The following REV3L variants were observed in gnomAD, a reference collection of about 807,000 sequenced individuals.
REV3L encodes REV3 like, DNA directed polymerase zeta catalytic subunit, also known as DNA polymerase zeta catalytic subunit.
A neutral mutation model predicts 299.4 loss-of-function variants in REV3L; 69 were observed. That is an observed-to-expected ratio of 0.23 (90% CI 0.19 to 0.28). REV3L has a LOEUF of 0.28. Among genes scored for constraint, REV3L ranks in the 10% least tolerant of loss-of-function variants. The pLI, the probability that REV3L is intolerant of heterozygous loss-of-function variation, is 1.00. For synonymous variants in REV3L, 1,238 were observed against 1,271.4 expected, an observed-to-expected ratio of 0.97 and a Z score of 0.56; for missense variants, 3,128 against 3,693.8, an observed-to-expected ratio of 0.85 and a Z score of 3.97.
At chr6:111,429,946 C>A (rs1786685802) in intron 1 of REV3L, among the ~76,000 whole-genome samples, 1 of 152,230 alleles carries the variant, frequency 6.6e-6, no homozygotes, top group East Asian at 1.9e-4. Context: ...CCGTGGGCAG[C>A]TCGGGGCACA....
At chr6:111,362,492 T>C (rs567464401) in intron 16 of REV3L, among the ~76,000 whole-genome samples, 1 of 152,270 alleles carries the variant, frequency 6.6e-6, no homozygotes, top group African/African-American at 2.4e-5. Context: ...AAAACTAGCA[T>C]TGTCCAATAG....
chr6:111,387,497 A>C (rs955126173), intron 9 of REV3L, among the ~76,000 whole-genome samples: 1 of 152,214 alleles, frequency 6.6e-6, no homozygotes, highest in African/African-American at 2.4e-5. Flanking sequence ...CATTTACGTA[A>C]AATTTAAAAC....
intron 4 of REV3L, among the ~76,000 whole-genome samples, chr6:111,398,092 T>C (rs1028236978): frequency 1.3e-5 from 2 of 150,108 alleles, no homozygotes; most frequent in Non-Finnish European, 3.0e-5. Flanking sequence ...GAATCAAATC[T>C]AATAACATTT....
At chr6:111,330,635 C>T (rs1228358309) in intron 24 of REV3L, among the ~76,000 whole-genome samples, 2 of 151,974 alleles carry the variant, frequency 1.3e-5, no homozygotes, top group Non-Finnish European at 2.9e-5. Context: ...GCTAGATATG[C>T]GACAATGGAA....
At chr6:111,341,323 C>T (rs520544) in intron 21 of REV3L, among the ~76,000 whole-genome samples, 4,579 of 152,312 alleles carry the variant, frequency 0.03, 79 homozygotes, top group South Asian at 0.078. Context: ...ACTGAAATTA[C>T]AGGCGTGAGC....
chr6:111,331,215 A>T (rs1255113628), intron 24 of REV3L, among the ~76,000 whole-genome samples: 1 of 152,188 alleles, frequency 6.6e-6, no homozygotes, highest in Non-Finnish European at 1.5e-5. Context: ...TTTAGTTTGG[A>T]TATCTTCTGA....
intron 20 of REV3L, among the ~76,000 whole-genome samples, chr6:111,348,131 C>T (rs536451628): frequency 1.3e-5 from 2 of 152,066 alleles, no homozygotes; most frequent in Non-Finnish European, 2.9e-5. Context: ...ATTTTTAATA[C>T]AGACAAGGTC....
At chr6:111,335,991 A>G (rs912072946) in intron 21 of REV3L, among the ~76,000 whole-genome samples, 1 of 151,690 alleles carries the variant, frequency 6.6e-6, no homozygotes, top group Middle Eastern at 3.2e-3. Context: ...ATATCTATAG[A>G]TTTTTAAAGA....
At position 111,332,245 on chromosome 6, in the gene REV3L, G is replaced by C. The variant is rs993448903; in HGVS notation, c.7926-461C>G. On this transcript the variant is annotated intron_variant, in intron 23 of 31. Coordinates refer to ENST00000368802, the MANE Select transcript of REV3L (RefSeq NM_001372078.1). ...TGCCACCATACCCGGCTAATTTTTTGCATTTTTAGTAGAGACAGGGTTTCC... is the reference window on the plus strand; with the variant it reads ...TGCCACCATACCCGGCTAATTTTTTCCATTTTTAGTAGAGACAGGGTTTCC... 5.3e-5 allele frequency among the ~76,000 whole-genome samples: 8 copies of C among 152,014 alleles called. No individual in the cohort carries two copies. In the East Asian group the frequency reaches 1.5e-3, roughly 29 times the overall value.
At position 111,376,726 on chromosome 6, in the gene REV3L, G is replaced by A. The variant is rs771919970; in HGVS notation, c.1629C>T (p.Thr543=). 2.5e-6 allele frequency: 4 copies of A among 1,593,548 alleles called. No individual in the cohort carries two copies. The South Asian group carries it at 3.4e-5, about 13-fold the overall frequency. The change falls in exon 13 of 32, where the codon ACC becomes ACT. Residue 543 remains threonine (T), a synonymous_variant. Coordinates refer to ENST00000368802, the MANE Select transcript of REV3L (RefSeq NM_001372078.1). ...TGCTTGTTGCAATTACAGAAGAGTG[G>A]GTTCTAGAATTTTCATTGTTCAATG... The part of the protein sequence containing the change: ...DNPLNNENSR[T]HSSVIATSKL...
Position 111,322,560 on chromosome 6 carries a change from A to G in REV3L, c.8351+9T>C, listed in dbSNP as rs765747162. On this transcript the variant is annotated intron_variant, in intron 26 of 31. Coordinates refer to ENST00000368802, the MANE Select transcript of REV3L (RefSeq NM_001372078.1). ...GCAAAAGACAACTACAAAACCAAAA[A>G]CCCATTACCTGTCAGTATCGCCATA... 6.9e-6 allele frequency: 11 copies of G among 1,605,418 alleles called. No homozygotes were observed. In the Admixed American group the frequency reaches 1.8e-4, roughly 27 times the overall value.
In REV3L at chr6:111,307,477, C is replaced by T; in HGVS notation, c.9136G>A (p.Asp3046Asn). 3 of 1,614,190 alleles carry T rather than the reference C, an allele frequency of 1.9e-6. No individual in the cohort carries two copies. The highest frequency in any genetic ancestry group is 1.7e-6 in the Non-Finnish European group (2 of 1,180,038). Reference sequence around the variant, plus strand: ...CAGATGCCATGCTGAGTTAGGTCATCACACACAGGACAGTGTAAGGTAGTA... The same window carrying T: ...CAGATGCCATGCTGAGTTAGGTCATTACACACAGGACAGTGTAAGGTAGTA... ...YFTTLHCPVC[D>N]DLTQHGICSK... The change falls in exon 31 of 32, where the codon GAT (aspartate) becomes AAT (asparagine). Residue 3046 changes from aspartate (D) to asparagine (N), a missense_variant. Physicochemically the swap from Asp to Asn is conservative, Grantham distance 23 (BLOSUM62 1). This residue lies in a region of REV3L where 294 missense variants were observed against 377.0 expected (regional missense o/e 0.78). Transcript: ENST00000368802.
rs991287422 is a variant in REV3L, at chr6:111,483,149, C to T, written c.-261G>A. The T allele has an allele frequency of 2.0e-6, 1 of 489,798 alleles. No homozygotes were observed. The highest frequency in any genetic ancestry group is 3.5e-6 in the Non-Finnish European group (1 of 283,042). The allele number at this position is 489,798 out of a possible 1,614,324, so 30.3% of individuals were successfully genotyped here. On this transcript the variant is annotated 5_prime_UTR_variant, in exon 1 of 32. Coordinates refer to ENST00000368802, the MANE Select transcript of REV3L (RefSeq NM_001372078.1). ...GGTGCTGGTGCTGCCGCCACTGCCGCCACCGCCGGGAATCACACGGGCTCC... is the reference window on the plus strand; with the variant it reads ...GGTGCTGGTGCTGCCGCCACTGCCGTCACCGCCGGGAATCACACGGGCTCC...
Position 111,413,466 on chromosome 6 carries a change from C to A in REV3L, c.330-1912G>T, listed in dbSNP as rs530643815. The stretch of plus-strand genomic sequence containing the variant: ...CTCTTTATAGAAGATTCTCTAAAAT[C>A]ATGAGTGAGAAGGAATCCCAGAAAT... On this transcript the variant is annotated intron_variant, in intron 2 of 31. Transcript: ENST00000368802. Among the ~76,000 whole-genome samples, 10 of 152,158 alleles carry A rather than the reference C, an allele frequency of 6.6e-5. No individual in the cohort carries two copies. The East Asian group carries it at 1.9e-3, about 29-fold the overall frequency.
intron 1 of REV3L, among the ~76,000 whole-genome samples, chr6:111,427,858 C>T (rs1033487846): frequency 6.6e-6 from 1 of 151,932 alleles, no homozygotes; most frequent in Non-Finnish European, 1.5e-5. Context: ...CATCCCTAGT[C>T]CTGGAAACTC....
chr6:111,363,298 C>CT (rs1212658575), intron 16 of REV3L, among the ~76,000 whole-genome samples: 4 of 151,890 alleles, frequency 2.6e-5, no homozygotes, highest in African/African-American at 7.2e-5. Context: ...AGACTTACTT[C>CT]TTTTTTTTGT....
intron 24 of REV3L, chr6:111,330,371 T>C (rs1204823839): frequency 2.3e-6 from 1 of 441,698 alleles, no homozygotes; most frequent in African/African-American, 2.0e-5. Context: ...AAAAAAATCA[T>C]TTGTATTCAT....
intron 31 of REV3L, among the ~76,000 whole-genome samples, chr6:111,304,770 C>T (rs1228968515): frequency 6.6e-6 from 1 of 152,006 alleles, no homozygotes; most frequent in African/African-American, 2.4e-5. Flanking sequence ...CCTCACCCCC[C>T]TTTTGGAATC....
At chr6:111,421,474 G>C (rs866970854) in intron 1 of REV3L, among the ~76,000 whole-genome samples, 47 of 152,258 alleles carry the variant, frequency 3.1e-4, no homozygotes, top group Middle Eastern at 3.4e-3. Context: ...ATACTTAAGT[G>C]AACGGGCATG....
Sources: allele counts gnomAD v4.1 joint callset (sites outside exome capture counted in the v4.1 genomes callset), GRCh38; gene constraint gnomAD v4.1.1; regional missense constraint gnomAD v4.1.1; transcripts MANE v1.5; gene names NCBI Gene and HGNC (gene_info 2026-07-23, HGNC 2026-07-21).